Variants in SUCLG1 observed in about 807,000 individuals in gnomAD.
SUCLG1 encodes the protein succinate-CoA ligase GDP/ADP-forming subunit alpha, also known as succinate--CoA ligase [ADP/GDP-forming] subunit alpha, mitochondrial.
A neutral mutation model predicts 37.3 loss-of-function variants in SUCLG1; 26 were observed. The observed-to-expected ratio is 0.70, with a 90% confidence interval of 0.51 to 0.97. The LOEUF is 0.97. SUCLG1 is among the 50% of genes least tolerant of loss of function. SUCLG1 has a pLI of 0.00. For synonymous variants in SUCLG1, 163 were observed against 155.6 expected, an observed-to-expected ratio of 1.05 and a Z score of -0.36; for missense variants, 433 against 432.9, an observed-to-expected ratio of 1.00 and a Z score of 0.00.
At chr2:84,440,351 C>T (rs567834248) in intron 5 of SUCLG1, among the ~76,000 whole-genome samples, 44 of 152,166 alleles carry the variant, frequency 2.9e-4, no homozygotes, top group African/African-American at 1.0e-3. Context: ...CCAGCCTGGG[C>T]GACAGAGCAA....
In SUCLG1 at chr2:84,449,696, CAT is replaced by C. The variant is rs1308442327; in HGVS notation, c.152_153del (p.Tyr51CysfsTer2). ...CSYTASRQHL[Y>X]VDKNTKIICQ... is the part of the protein sequence containing the mutation. ...CAAATAATCTTTGTATTTTTATCAA[CAT>C]AGAGATGTTGCCGAGAAGCTGTGTA... On this transcript the variant is annotated frameshift_variant, in exon 2 of 9. Coordinates refer to ENST00000393868, the MANE Select transcript of SUCLG1 (RefSeq NM_003849.4). LOFTEE classifies it high-confidence loss of function. 10 of 1,579,850 alleles carry C rather than the reference CAT, an allele frequency of 6.3e-6. No homozygotes were observed. The highest frequency in any genetic ancestry group is 8.6e-6 in the Non-Finnish European group (10 of 1,163,638).
chr2:84,447,598 TAACA>T (rs1672869430), intron 2 of SUCLG1, among the ~76,000 whole-genome samples: 1 of 152,040 alleles, frequency 6.6e-6, no homozygotes, highest in African/African-American at 2.4e-5. Context: ...TATTAATATA[TAACA>T]AAAAACAGGC....
At chr2:84,430,035 T>G (rs147918097) in intron 7 of SUCLG1, among the ~76,000 whole-genome samples, 1 of 152,168 alleles carries the variant, frequency 6.6e-6, no homozygotes, top group African/African-American at 2.4e-5. Flanking sequence ...TAAAAGTTAG[T>G]TCTCAGGTTT....
chr2:84,444,417 T>C (rs1672817225), intron 2 of SUCLG1, among the ~76,000 whole-genome samples: 2 of 152,078 alleles, frequency 1.3e-5, no homozygotes. Flanking sequence ...TTTTTATTAG[T>C]GATTTTCAAA....
intron 1 of SUCLG1, chr2:84,458,523 T>G (rs1038214788): frequency 1.3e-5 from 2 of 152,162 alleles, no homozygotes; most frequent in African/African-American, 4.8e-5. Flanking sequence ...ACTAGCAACC[T>G]TGGGTACTAA....
chr2:84,440,919 TTCCCTGG>T (rs1389293643), intron 5 of SUCLG1, 121 bp downstream of exon 5: 12 of 903,982 alleles, frequency 1.3e-5, no homozygotes, highest in Admixed American at 1.3e-4. Context: ...ACTACAAAAC[TTCCCTGG>T]TAAATTCTAC....
At chr2:84,443,762 C>T (rs1420489086) in intron 2 of SUCLG1, among the ~76,000 whole-genome samples, 1 of 151,704 alleles carries the variant, frequency 6.6e-6, no homozygotes, top group East Asian at 1.9e-4. Context: ...GGCAAAACCA[C>T]AACCTGGGTC....
chr2:84,455,306 C>T (rs1673000377), intron 1 of SUCLG1, among the ~76,000 whole-genome samples: 1 of 151,976 alleles, frequency 6.6e-6, no homozygotes, highest in Non-Finnish European at 1.5e-5. Context: ...ACCAGCCTGA[C>T]CAACATGGAG....
intron 2 of SUCLG1, among the ~76,000 whole-genome samples, chr2:84,449,426 A>G (rs1672902042): frequency 6.6e-6 from 1 of 152,208 alleles, no homozygotes; most frequent in South Asian, 2.1e-4. Flanking sequence ...ATATACTCCT[A>G]GTAAGCATAC....
rs868654485 is a variant in SUCLG1, at chr2:84,445,522, A to C, written c.202-2122T>G. Among the ~76,000 whole-genome samples the C allele has an allele frequency of 9.2e-5, 14 of 152,208 alleles. No homozygotes were observed. In the Middle Eastern group the frequency reaches 0.01, roughly 111 times the overall value. The stretch of plus-strand genomic sequence containing the variant: ...AGAACTAGCAGGCATCTCAAACTCA[A>C]CATGTCCAAAACTGAGTTCCCAATC... On this transcript the variant is annotated intron_variant, in intron 2 of 8. Transcript: ENST00000393868.
intron 1 of SUCLG1, among the ~76,000 whole-genome samples, 156 bp from the exon 2 acceptor site, chr2:84,449,908 GAC>G (rs1272333920): frequency 2.0e-5 from 3 of 150,612 alleles, no homozygotes; most frequent in African/African-American, 7.3e-5. Context: ...TTTTAAATAA[GAC>G]ACAGTGACCA....
intron 1 of SUCLG1, among the ~76,000 whole-genome samples, chr2:84,456,909 G>A (rs887532804): frequency 4.6e-5 from 7 of 152,184 alleles, no homozygotes; most frequent in South Asian, 2.1e-4. Context: ...TGATCTACCC[G>A]CCTCAGCCTC....
At chr2:84,423,862 C>A in intron 8 of SUCLG1, 90 bp from the exon 9 acceptor site, 1 of 1,372,940 alleles carries the variant, frequency 7.3e-7, no homozygotes, top group South Asian at 1.2e-5. Context: ...ATTTTGAAAC[C>A]TATTATCTTT....
At chr2:84,439,066 G>A (rs560151171) in intron 5 of SUCLG1, among the ~76,000 whole-genome samples, 129 of 152,072 alleles carry the variant, frequency 8.5e-4, no homozygotes, top group African/African-American at 3.0e-3. Context: ...TCAGGTCCAT[G>A]CCACCTTTAA....
At chr2:84,438,248 T>C (rs1049946660) in intron 5 of SUCLG1, among the ~76,000 whole-genome samples, 14 of 152,236 alleles carry the variant, frequency 9.2e-5, no homozygotes, top group South Asian at 2.1e-4. Context: ...TTCTTACAAC[T>C]ACACATGAAT....
At chr2:84,445,171 A>G (rs1672831099) in intron 2 of SUCLG1, among the ~76,000 whole-genome samples, 1 of 152,218 alleles carries the variant, frequency 6.6e-6, no homozygotes, top group South Asian at 2.1e-4. Flanking sequence ...ATTTATGTTC[A>G]GAGATTGCAG....
chr2:84,459,271 C>G lies in SUCLG1; in HGVS notation c.-2G>C. The G allele has an allele frequency of 6.4e-7, 1 of 1,550,422 alleles. No homozygotes were observed. Among genetic ancestry groups the G allele is most frequent in the Non-Finnish European group, 8.7e-7 (1 of 1,146,672 alleles). ...GGCAGCGGCAAGGGTTGCGGTCATA[C>G]GCCAATGACACTCCCAGGCCCCCGG... On this transcript the variant is annotated 5_prime_UTR_variant, in exon 1 of 9. Coordinates refer to ENST00000393868, the MANE Select transcript of SUCLG1 (RefSeq NM_003849.4).
chr2:84,423,861 C>A, intron 8 of SUCLG1, 89 bp from the exon 9 acceptor site: 2 of 1,377,036 alleles, frequency 1.5e-6, no homozygotes, highest in East Asian at 2.4e-5. Context: ...GATTTTGAAA[C>A]CTATTATCTT....
intron 7 of SUCLG1, among the ~76,000 whole-genome samples, chr2:84,429,277 A>G (rs1672581171): frequency 6.6e-6 from 1 of 152,156 alleles, no homozygotes; most frequent in Non-Finnish European, 1.5e-5. Flanking sequence ...CCCACTAAAT[A>G]CTAGGCTATT....
Sources: gnomAD v4.1 joint callset for allele counts (sites outside exome capture counted in the v4.1 genomes callset) on GRCh38, gnomAD v4.1.1 for gene constraint, MANE v1.5 for transcripts, NCBI Gene and HGNC (gene_info 2026-07-23, HGNC 2026-07-21) for gene names.